The following C12orf42 variants were observed in gnomAD, a reference collection of about 807,000 sequenced individuals.
The protein encoded by C12orf42 is uncharacterized protein C12orf42.
In C12orf42, 25 loss-of-function variants were observed where a neutral mutation model predicts 21.6. The ratio of observed to expected loss-of-function variants is 1.16; its 90% CI spans 0.84 to 1.62. The LOEUF (loss-of-function observed/expected upper bound fraction) is 1.62, where lower values mean the gene tolerates loss of function less well. C12orf42 is among the 40% of genes most tolerant of loss of function. C12orf42 has a pLI of 0.00. For missense variants in C12orf42, 483 were observed against 459.3 expected (o/e 1.05, Z -0.47); for synonymous variants, 174 against 175.0 (o/e 0.99, Z 0.05).
At chr12:103,166,620 T>C in the C12orf42 span, among the ~76,000 whole-genome samples, 2 of 152,202 alleles carry the variant, frequency 1.3e-5, no homozygotes, top group Non-Finnish European at 2.9e-5. Flanking sequence ...TTTAATAAAT[T>C]ATTGAATTCA....
At chr12:103,491,203 T>C (rs1292581632) in intron 1 of C12orf42, among the ~76,000 whole-genome samples, 1 of 152,240 alleles carries the variant, frequency 6.6e-6, no homozygotes, top group Non-Finnish European at 1.5e-5. Context: ...GTCATAACTA[T>C]TGTTCTAATC....
intron 4 of C12orf42, among the ~76,000 whole-genome samples, chr12:103,336,323 G>A (rs944717804): frequency 6.6e-6 from 1 of 152,180 alleles, no homozygotes; most frequent in Non-Finnish European, 1.5e-5. Flanking sequence ...CATCAGAAAG[G>A]CAGCTGATCT....
At chr12:103,218,353 A>G in the C12orf42 span, among the ~76,000 whole-genome samples, 14 of 152,172 alleles carry the variant, frequency 9.2e-5, no homozygotes, top group Admixed American at 8.5e-4. Context: ...AATAGACTAA[A>G]CCTGGTTTTA....
At chr12:103,158,416 G>A in the C12orf42 span, among the ~76,000 whole-genome samples, 17 of 152,036 alleles carry the variant, frequency 1.1e-4, no homozygotes, top group African/African-American at 3.6e-4. Flanking sequence ...GAACACATTC[G>A]CTTCCATTTC....
chr12:103,103,509 T>C, the C12orf42 span, among the ~76,000 whole-genome samples: 1 of 152,220 alleles, frequency 6.6e-6, no homozygotes, highest in Non-Finnish European at 1.5e-5. Context: ...GTCACAGGCA[T>C]ATAAAGGATC....
At chr12:103,310,271 C>T (rs1020475576) in intron 4 of C12orf42, among the ~76,000 whole-genome samples, 2 of 152,072 alleles carry the variant, frequency 1.3e-5, no homozygotes, top group African/African-American at 4.8e-5. Flanking sequence ...CTCTCTCTCT[C>T]TCTGTGTCTC....
chr12:103,368,465 T>C (rs1008141203), intron 4 of C12orf42, among the ~76,000 whole-genome samples: 2 of 151,992 alleles, frequency 1.3e-5, no homozygotes, highest in African/African-American at 4.8e-5. Context: ...GGGGTGAACA[T>C]AAGACCAAAG....
intron 4 of C12orf42, among the ~76,000 whole-genome samples, chr12:103,360,029 T>G (rs2043945492): frequency 6.6e-6 from 1 of 151,374 alleles, no homozygotes; most frequent in South Asian, 2.1e-4. Flanking sequence ...TGTTTTTTAC[T>G]TAGATGATTG....
chr12:103,118,218 A>G, the C12orf42 span, among the ~76,000 whole-genome samples: 5 of 152,228 alleles, frequency 3.3e-5, no homozygotes, highest in Admixed American at 6.5e-5. Context: ...AGGCACCATG[A>G]CTTATTGATG....
chr12:103,119,368 G>A, the C12orf42 span, among the ~76,000 whole-genome samples: 2 of 152,192 alleles, frequency 1.3e-5, no homozygotes, highest in Admixed American at 6.5e-5. Context: ...AATAGCTGTT[G>A]ATTATCAGCT....
At chr12:103,113,470 G>A in the C12orf42 span, among the ~76,000 whole-genome samples, 2 of 149,772 alleles carry the variant, frequency 1.3e-5, no homozygotes, top group African/African-American at 2.6e-5. Flanking sequence ...CCCACATTCC[G>A]GGGTATGGAG....
the C12orf42 span, among the ~76,000 whole-genome samples, chr12:103,100,673 A>G: frequency 1.5e-4 from 23 of 152,198 alleles, no homozygotes; most frequent in African/African-American, 5.1e-4. Context: ...TTAAATGATC[A>G]TTAATTAGAG....
chr12:103,101,637 A>G, the C12orf42 span, among the ~76,000 whole-genome samples: 2 of 152,168 alleles, frequency 1.3e-5, no homozygotes, highest in African/African-American at 4.8e-5. Context: ...CACTGAACAT[A>G]CCTAAATGGA....
chr12:103,082,985 T>C, the C12orf42 span, among the ~76,000 whole-genome samples: 7 of 152,186 alleles, frequency 4.6e-5, no homozygotes, highest in Non-Finnish European at 7.4e-5. Context: ...AAGAGCTTTA[T>C]AGCAAGTTTC....
chr12:103,172,960 A>G, the C12orf42 span, among the ~76,000 whole-genome samples: 1 of 152,126 alleles, frequency 6.6e-6, no homozygotes, highest in Non-Finnish European at 1.5e-5. Context: ...TTTACCTCCA[A>G]TGACAAAGCT....
the C12orf42 span, among the ~76,000 whole-genome samples, chr12:103,190,749 C>T: frequency 1.3e-5 from 2 of 151,926 alleles, no homozygotes; most frequent in African/African-American, 4.8e-5. Flanking sequence ...ATGAAGAAAG[C>T]CTGTGGGAGT....
chr12:103,495,297 A>G (rs1357514391), intron 1 of C12orf42, among the ~76,000 whole-genome samples: 1 of 151,918 alleles, frequency 6.6e-6, no homozygotes, highest in African/African-American at 2.4e-5. Flanking sequence ...ATGTAAAGAG[A>G]GGAACTTTCC....
At chr12:103,309,781 C>A (rs2038779493) in intron 4 of C12orf42, among the ~76,000 whole-genome samples, 1 of 152,212 alleles carries the variant, frequency 6.6e-6, no homozygotes, top group South Asian at 2.1e-4. Context: ...CACATATTTC[C>A]TGAATTCAAG....
At chr12:103,064,921 C>T in the C12orf42 span, among the ~76,000 whole-genome samples, 1 of 152,124 alleles carries the variant, frequency 6.6e-6, no homozygotes, top group South Asian at 2.1e-4. Flanking sequence ...CAGTGGGTCC[C>T]CAGACTCATC....
Sources: allele counts gnomAD v4.1 joint callset (sites outside exome capture counted in the v4.1 genomes callset), GRCh38; gene constraint gnomAD v4.1.1; transcripts MANE v1.5; gene names NCBI Gene and HGNC (gene_info 2026-07-23, HGNC 2026-07-21).